Variants in RAP1GAP2 observed in about 807,000 individuals in gnomAD.
The protein encoded by RAP1GAP2 is RAP1 GTPase activating protein 2, also known as rap1 GTPase-activating protein 2.
RAP1GAP2 carries 27 observed loss-of-function variants against 95.0 expected under a neutral mutation model. The ratio of observed to expected loss-of-function variants is 0.28; its 90% confidence interval spans 0.21 to 0.39. RAP1GAP2 has a LOEUF of 0.39. RAP1GAP2 is among the 10% of genes least tolerant of loss of function. The pLI, the probability that RAP1GAP2 is intolerant of heterozygous loss-of-function variation, is 1.00. For synonymous variants in RAP1GAP2, 373 were observed against 380.9 expected (o/e 0.98, Z 0.24); for missense variants, 771 against 970.0 (o/e 0.79, Z 2.72).
intron 2 of RAP1GAP2, among the ~76,000 whole-genome samples, chr17:2,811,455 C>T (rs915776591): frequency 6.6e-6 from 1 of 152,246 alleles, no homozygotes; most frequent in African/African-American, 2.4e-5. Flanking sequence ...CCATCAGCTC[C>T]ATCCTTGCTG....
intron 2 of RAP1GAP2, among the ~76,000 whole-genome samples, chr17:2,840,431 G>C (rs2071325025): frequency 6.6e-6 from 1 of 152,106 alleles, no homozygotes; most frequent in Admixed American, 6.5e-5. Context: ...CCAAAGTGTT[G>C]GGATTACAGG....
In RAP1GAP2 at chr17:2,943,853, C is replaced by T. The variant is rs145933889; in HGVS notation, c.166-13906C>T. Among the ~76,000 whole-genome samples the T allele has an allele frequency of 3.3e-5, 5 of 151,334 alleles. No homozygotes were observed. In the East Asian group the frequency reaches 9.9e-4, roughly 30 times the overall value. On this transcript the variant is annotated intron_variant, in intron 3 of 24. Coordinates refer to ENST00000254695, the MANE Select transcript of RAP1GAP2 (RefSeq NM_015085.5). ...TCAGACCTGTTAGGATGGCTAGTAT[C>T]AAAACCACAGAAGAGGCCAGGCATG...
chr17:2,982,022 G>C (rs751299420), intron 10 of RAP1GAP2, among the ~76,000 whole-genome samples: 1 of 152,216 alleles, frequency 6.6e-6, no homozygotes, highest in Admixed American at 6.5e-5. Flanking sequence ...GCTGAGGCCT[G>C]CTGGGACCGG....
At chr17:2,964,213 T>C in intron 7 of RAP1GAP2, 145 bp downstream of exon 7, 1 of 468,438 alleles carries the variant, frequency 2.1e-6, no homozygotes, top group Non-Finnish European at 3.2e-6. Flanking sequence ...GGGGTGGGGG[T>C]GAGGCTGGGA....
At chr17:2,907,632 T>C (rs375998539) in intron 3 of RAP1GAP2, among the ~76,000 whole-genome samples, 6 of 152,214 alleles carry the variant, frequency 3.9e-5, no homozygotes, top group Admixed American at 1.3e-4. Context: ...ATGTTTCAGC[T>C]GAGCCCTGAA....
intron 3 of RAP1GAP2, among the ~76,000 whole-genome samples, chr17:2,925,978 A>G (rs923994548): frequency 6.6e-6 from 1 of 151,870 alleles, no homozygotes; most frequent in Non-Finnish European, 1.5e-5. Flanking sequence ...TGTCTCTACT[A>G]AAAATACAAA....
intron 2 of RAP1GAP2, among the ~76,000 whole-genome samples, chr17:2,860,594 CTTTTTTTT>C (rs561492877): frequency 0.15 from 13,861 of 95,304 alleles, 678 homozygotes; most frequent in East Asian, 0.22. Flanking sequence ...ACTTATTTAT[CTTTTTTTT>C]TTTTTTTTTT....
intron 2 of RAP1GAP2, among the ~76,000 whole-genome samples, chr17:2,864,135 T>C (rs2072527567): frequency 6.6e-6 from 1 of 151,310 alleles, no homozygotes; most frequent in Non-Finnish European, 1.5e-5. Flanking sequence ...CCATCCTGAC[T>C]GCGGAGAGTG....
At chr17:2,894,738 C>T (rs969790712) in intron 2 of RAP1GAP2, among the ~76,000 whole-genome samples, 6 of 152,180 alleles carry the variant, frequency 3.9e-5, no homozygotes, top group African/African-American at 1.2e-4. Context: ...CTCGGCCCCC[C>T]CTTTACTTTC....
upstream of RAP1GAP2, among the ~76,000 whole-genome samples, chr17:2,776,823 C>A (rs1018310840): frequency 4.9e-5 from 7 of 144,042 alleles, no homozygotes; most frequent in African/African-American, 1.8e-4. Flanking sequence ...CCCGCCGCCC[C>A]GGAGGAGGAG....
chr17:2,812,096 A>G (rs933392223), intron 2 of RAP1GAP2, among the ~76,000 whole-genome samples: 1 of 152,142 alleles, frequency 6.6e-6, no homozygotes, highest in Non-Finnish European at 1.5e-5. Flanking sequence ...TACCCTGCAG[A>G]CCAGAGTCAG....
chr17:2,939,695 G>T (rs1028400977), intron 3 of RAP1GAP2, among the ~76,000 whole-genome samples: 2 of 152,216 alleles, frequency 1.3e-5, no homozygotes, highest in Admixed American at 6.5e-5. Flanking sequence ...GGGCAGGGAT[G>T]GAGGGGGGAG....
intron 1 of RAP1GAP2, among the ~76,000 whole-genome samples, chr17:2,767,759 GACTC>G (rs2068305254): frequency 6.7e-6 from 1 of 148,954 alleles, no homozygotes; most frequent in Non-Finnish European, 1.5e-5. Flanking sequence ...TTTTGAGATG[GACTC>G]ACTCTCTCTC....
intron 2 of RAP1GAP2, among the ~76,000 whole-genome samples, chr17:2,832,353 T>C (rs982490851): frequency 1.7e-4 from 25 of 150,980 alleles, no homozygotes; most frequent in Admixed American, 1.7e-3. Flanking sequence ...GGTCAGGAGA[T>C]CGAGATCATC....
intron 1 of RAP1GAP2, among the ~76,000 whole-genome samples, chr17:2,790,815 G>T (rs973771996): frequency 1.1e-4 from 17 of 152,184 alleles, no homozygotes; most frequent in Admixed American, 8.5e-4. Context: ...GAGGGCCAGG[G>T]GACACAGTGG....
chr17:2,863,337 A>C (rs1473930707), intron 2 of RAP1GAP2, among the ~76,000 whole-genome samples: 1 of 152,178 alleles, frequency 6.6e-6, no homozygotes, highest in East Asian at 1.9e-4. Flanking sequence ...TAAGCTTATC[A>C]GTTATGAACA....
rs181383063 is a variant in RAP1GAP2, at chr17:2,988,083, G to A, written c.813+3017G>A. On this transcript the variant is annotated intron_variant, in intron 11 of 24. Transcript: ENST00000254695. ...AAATTAGCCAGGAGTGGTGGTGGGC[G>A]CCTATAGTCCCAGCTACTTGGGAGT... Among the ~76,000 whole-genome samples the A allele has an allele frequency of 7.9e-5, 12 of 152,182 alleles. No individual in the cohort carries two copies. The East Asian group carries it at 2.1e-3, about 27-fold the overall frequency.
chr17:3,014,067 C>T (rs1365711761), intron 17 of RAP1GAP2, among the ~76,000 whole-genome samples: 1 of 151,400 alleles, frequency 6.6e-6, no homozygotes, highest in East Asian at 1.9e-4. Context: ...CACACGTCGG[C>T]TATAGAGCCC....
At chr17:2,787,986 T>C (rs988621045) in intron 1 of RAP1GAP2, among the ~76,000 whole-genome samples, 35 of 152,238 alleles carry the variant, frequency 2.3e-4, no homozygotes, top group African/African-American at 7.7e-4. Context: ...TTCTGCAATG[T>C]AGTTAATCCT....
Sources: allele counts gnomAD v4.1 joint callset (sites outside exome capture counted in the v4.1 genomes callset), GRCh38; gene constraint gnomAD v4.1.1; transcripts MANE v1.5; gene names NCBI Gene and HGNC (gene_info 2026-07-23, HGNC 2026-07-21).